EPM2A: variants seen among roughly 807,000 people sequenced by gnomAD.
EPM2A encodes EPM2A glucan phosphatase, laforin, also known as laforin.
A neutral mutation model predicts 26.5 loss-of-function variants in EPM2A; 21 were observed. The observed-to-expected ratio is 0.79, with a 90% CI of 0.56 to 1.14. The LOEUF (loss-of-function observed/expected upper bound fraction) is 1.14. Ranked by LOEUF, EPM2A falls within the 50% of genes most tolerant of loss-of-function variation. The probability of loss-of-function intolerance (pLI) is 0.00; values close to 1 mark genes in which losing one functional copy is unlikely to be tolerated. For missense variants in EPM2A, 458 were observed against 440.8 expected (o/e 1.04, Z -0.35); for synonymous variants, 217 against 177.6 (o/e 1.22, Z -1.76).
intron 4 of EPM2A, among the ~76,000 whole-genome samples, chr6:145,417,736 C>T (rs1434426940): frequency 6.6e-6 from 1 of 152,174 alleles, no homozygotes; most frequent in Non-Finnish European, 1.5e-5. Flanking sequence ...ATCCACCTAA[C>T]CTCAGCCACA....
chr6:145,427,925 T>C (rs1416573610), intron 4 of EPM2A, among the ~76,000 whole-genome samples: 7 of 152,162 alleles, frequency 4.6e-5, no homozygotes. Flanking sequence ...AGTACATCAG[T>C]ATTTAGTTTA....
intron 4 of EPM2A, among the ~76,000 whole-genome samples, chr6:145,475,860 A>C (rs2114729316): frequency 6.6e-6 from 1 of 152,222 alleles, no homozygotes; most frequent in East Asian, 1.9e-4. Flanking sequence ...CTTTACTAGA[A>C]GAAGACAGAA....
chr6:145,631,315 T>G (rs895921303), intron 3 of EPM2A: 1 of 152,092 alleles, frequency 6.6e-6, no homozygotes, highest in Non-Finnish European at 1.5e-5. Context: ...AGAATTTAAT[T>G]TGATAAGACA....
chr6:145,558,559 G>A (rs958787473), intron 2 of EPM2A, among the ~76,000 whole-genome samples: 2 of 151,858 alleles, frequency 1.3e-5, no homozygotes, highest in African/African-American at 4.8e-5. Context: ...GTGTACAAGG[G>A]TTTTCTTTTC....
intron 2 of EPM2A, among the ~76,000 whole-genome samples, chr6:145,586,628 T>C (rs544548918): frequency 1.3e-5 from 2 of 152,336 alleles, no homozygotes; most frequent in South Asian, 4.1e-4. Flanking sequence ...TAAAGTGATA[T>C]GGGTAAGTTA....
intron 4 of EPM2A, among the ~76,000 whole-genome samples, chr6:145,413,620 T>C (rs138153376): frequency 1.1e-3 from 160 of 152,290 alleles, no homozygotes; most frequent in African/African-American, 3.7e-3. Context: ...ATGTTCTTAC[T>C]GTGATGCTAA....
intron 2 of EPM2A, among the ~76,000 whole-genome samples, chr6:145,660,783 C>T (rs1300525663): frequency 1.3e-5 from 2 of 152,142 alleles, no homozygotes. Context: ...GCCTGGGAGA[C>T]AGCAAGACTC....
chr6:145,616,749 G>T (rs780778205), intron 2 of EPM2A, among the ~76,000 whole-genome samples: 4 of 152,214 alleles, frequency 2.6e-5, no homozygotes, highest in Non-Finnish European at 5.9e-5. Flanking sequence ...GATCATTTTG[G>T]AATTTTAAGA....
intron 2 of EPM2A, among the ~76,000 whole-genome samples, chr6:145,646,670 C>T (rs1050079050): frequency 5.3e-5 from 8 of 152,128 alleles, no homozygotes; most frequent in Admixed American, 6.5e-5. Flanking sequence ...TCAATTTATA[C>T]ACTCCTAGAT....
At chr6:145,559,956 T>C (rs1474311467) in intron 2 of EPM2A, among the ~76,000 whole-genome samples, 4 of 152,158 alleles carry the variant, frequency 2.6e-5, no homozygotes, top group Admixed American at 2.6e-4. Context: ...GGTTCAATTG[T>C]TTCAGTGAGA....
chr6:145,499,425 C>G (rs568014238), downstream of EPM2A, among the ~76,000 whole-genome samples: 33 of 152,198 alleles, frequency 2.2e-4, no homozygotes, highest in Non-Finnish European at 3.7e-4. Flanking sequence ...CTTCTACATA[C>G]TCTCATACTT....
At chr6:145,430,820 G>T (rs1395139879) in intron 4 of EPM2A, among the ~76,000 whole-genome samples, 1 of 152,078 alleles carries the variant, frequency 6.6e-6, no homozygotes. Flanking sequence ...TGATACTGAA[G>T]AACTAAATCT....
intron 2 of EPM2A, among the ~76,000 whole-genome samples, chr6:145,642,975 A>C (rs901781729): frequency 1.3e-5 from 2 of 152,158 alleles, no homozygotes; most frequent in African/African-American, 4.8e-5. Context: ...TGATATGCAA[A>C]TTTGATTGGG....
At chr6:145,448,892 T>G (rs1779157616) in intron 4 of EPM2A, among the ~76,000 whole-genome samples, 1 of 152,238 alleles carries the variant, frequency 6.6e-6, no homozygotes, top group Non-Finnish European at 1.5e-5. Flanking sequence ...ACTTATGAGT[T>G]ACACCGATGC....
chr6:145,413,911 T>C (rs13199432), intron 4 of EPM2A, among the ~76,000 whole-genome samples: 11,770 of 152,200 alleles, frequency 0.077, 595 homozygotes, highest in South Asian at 0.17. Context: ...CTTCCAATTT[T>C]CCCCTCCTTG....
At chr6:145,552,284 T>G (rs1274611701) in intron 2 of EPM2A, among the ~76,000 whole-genome samples, 1 of 152,010 alleles carries the variant, frequency 6.6e-6, no homozygotes, top group East Asian at 1.9e-4. Flanking sequence ...GAAAATAAAT[T>G]ATATTTTAGA....
At chr6:145,536,581 GC>G (rs1412335415) in intron 2 of EPM2A, among the ~76,000 whole-genome samples, 1 of 151,378 alleles carries the variant, frequency 6.6e-6, no homozygotes, top group Non-Finnish European at 1.5e-5. Flanking sequence ...ACAGGTGTGA[GC>G]CACTGCACCT....
chr6:145,438,450 T>C (rs1272638738), intron 4 of EPM2A, among the ~76,000 whole-genome samples: 1 of 150,050 alleles, frequency 6.7e-6, no homozygotes, highest in South Asian at 2.1e-4. Context: ...CCAGTGTAGA[T>C]TCTCCTGAGA....
intron 2 of EPM2A, among the ~76,000 whole-genome samples, chr6:145,553,984 T>C (rs1381550412): frequency 2.0e-5 from 3 of 151,684 alleles, no homozygotes; most frequent in Non-Finnish European, 4.4e-5. Context: ...TAAACAGTTG[T>C]ACAAAAATTA....
Sources: allele counts gnomAD v4.1 joint callset (sites outside exome capture counted in the v4.1 genomes callset), GRCh38; gene constraint gnomAD v4.1.1; transcripts MANE v1.5; gene names NCBI Gene and HGNC (gene_info 2026-07-23, HGNC 2026-07-21).